SLC28A1: variants seen among roughly 807,000 people sequenced by gnomAD.
SLC28A1 encodes sodium/nucleoside cotransporter 1.
Under a neutral mutation model 74.8 loss-of-function variants are expected in SLC28A1, and 64 were observed. The observed-to-expected ratio is 0.86, with a 90% CI of 0.70 to 1.05. The LOEUF is 1.05. SLC28A1 is among the 50% of genes least tolerant of loss of function. SLC28A1 has a pLI of 0.00. For synonymous variants in SLC28A1, 359 were observed against 335.0 expected, an observed-to-expected ratio of 1.07 and a Z score of -0.78; for missense variants, 828 against 822.8, an observed-to-expected ratio of 1.01 and a Z score of -0.08.
chr15:84,946,084 T>TTATATATATATATATATA (rs1567196223), downstream of SLC28A1, among the ~76,000 whole-genome samples: 8 of 27,548 alleles, frequency 2.9e-4, no homozygotes, highest in South Asian at 1.6e-3. Context: ...GTGTGTATGT[T>TTATATATATATATATATA]CATATATATA....
At position 84,885,257 on chromosome 15, in the gene SLC28A1, C is replaced by G. The variant is rs555833815; in HGVS notation, c.-133+506C>G. On this transcript the variant is annotated intron_variant, in intron 1 of 18. Transcript: ENST00000394573. ...TGCAGGCATGAGCCACCGTGCCCCC[C>G]CTCTTTTTTTTTTTTAAAGGTAGAG... 3.3e-5 allele frequency among the ~76,000 whole-genome samples: 5 copies of G among 151,254 alleles called. No homozygotes were observed. The South Asian group carries it at 6.3e-4, about 19-fold the overall frequency.
chr15:84,904,810 T>C (rs3784402), intron 7 of SLC28A1, among the ~76,000 whole-genome samples: 1 of 20,566 alleles, frequency 4.9e-5, no homozygotes. Context: ...TTCTGATGTG[T>C]ACTAAATTCT....
intron 2 of SLC28A1, chr15:84,887,273 C>A: frequency 1.3e-6 from 1 of 741,286 alleles, no homozygotes; most frequent in Non-Finnish European, 1.6e-6. Flanking sequence ...ATGCCTGTAT[C>A]AGATACATAT....
chr15:84,943,787 G>C (rs1013300047), intron 16 of SLC28A1, among the ~76,000 whole-genome samples: 4 of 152,108 alleles, frequency 2.6e-5, no homozygotes, highest in African/African-American at 9.7e-5. Context: ...AAATTAGCCA[G>C]GCGTGGTGGT....
Position 84,899,940 on chromosome 15 carries a change from A to AAGGAAGGAAGGAAGGAAGG in SLC28A1, c.462-4156_462-4155insGGAAGGAAGGAAGGAAGGA, listed in dbSNP as rs1966437006. Among the ~76,000 whole-genome samples the AAGGAAGGAAGGAAGGAAGG allele has an allele frequency of 8.2e-4, 112 of 136,906 alleles. 4 individuals are homozygous for AAGGAAGGAAGGAAGGAAGG. The highest frequency in any genetic ancestry group is 5.2e-3 in the East Asian group (23 of 4,418). The allele number at this position is 136,906 out of a possible 152,430, so 89.8% of individuals were successfully genotyped here. A position where few individuals can be genotyped will look rare whatever the true frequency, so the allele number is the denominator to read the frequency against. ...GAGGGAAAGAGGGAAAGAAAGAAAGAAAGGAAGGAAGGAAGGAAGGAAGGA... is the reference window on the plus strand; with the variant it reads ...GAGGGAAAGAGGGAAAGAAAGAAAGAAGGAAGGAAGGAAGGAAGGAAGGAAGGAAGGAAGGAAGGAAGGA... On this transcript the variant is annotated intron_variant, in intron 6 of 18. Coordinates refer to ENST00000394573, the MANE Select transcript of SLC28A1 (RefSeq NM_004213.5).
chr15:84,937,732 T>C (rs1972107441), intron 15 of SLC28A1, among the ~76,000 whole-genome samples: 1 of 151,230 alleles, frequency 6.6e-6, no homozygotes, highest in Admixed American at 6.6e-5. Flanking sequence ...CGAAACCCCT[T>C]CTCTACTAAA....
At chr15:84,908,901 C>A in intron 9 of SLC28A1, 106 bp downstream of exon 9, 1 of 925,254 alleles carries the variant, frequency 1.1e-6, no homozygotes, top group Non-Finnish European at 1.8e-6. Flanking sequence ...GGGAGGAGTC[C>A]TGTGGGCAGA....
chr15:84,968,541 C>T, the SLC28A1 span, among the ~76,000 whole-genome samples: 6 of 152,308 alleles, frequency 3.9e-5, no homozygotes, highest in South Asian at 2.1e-4. Context: ...GTGGAAGCCA[C>T]GATGTCTTTT....
chr15:84,890,590 A>T (rs1439149116), intron 5 of SLC28A1, 56 bp downstream of exon 5: 6 of 1,371,352 alleles, frequency 4.4e-6, no homozygotes, highest in African/African-American at 1.4e-5. Flanking sequence ...TCAGCTATCC[A>T]TGTCTCAGGG....
chr15:84,945,411 T>A lies in SLC28A1; in HGVS notation c.*211T>A. ...ACATGTCCCACTCCATCCCCCTTCC[T>A]GCTCCCCCATTTCCTAACTCCCCCA... On this transcript the variant is annotated 3_prime_UTR_variant, in exon 19 of 19. Transcript: ENST00000394573. The A allele has an allele frequency of 1.7e-6, 1 of 593,030 alleles. No homozygotes were observed. The highest frequency in any genetic ancestry group is 3.1e-6 in the Non-Finnish European group (1 of 324,702). The allele number at this position is 593,030 out of a possible 1,614,324, so 36.7% of individuals were successfully genotyped here.
chr15:84,933,155 C>T lies in SLC28A1; in HGVS notation c.1094C>T (p.Thr365Ile), dbSNP rs751367541. 27 of 1,613,602 alleles carry T rather than the reference C, an allele frequency of 1.7e-5. No homozygotes were observed. In the East Asian group the frequency reaches 3.8e-4, roughly 23 times the overall value. Residue 365 changes from threonine to isoleucine, a missense_variant, in exon 13 of 19, where the codon ACC becomes ATC. This residue lies in a region of SLC28A1 where 767 missense variants were observed against 753.5 expected (regional missense o/e 1.02). Transcript: ENST00000394573. ...GAYISFGIDA[T>I]SLIAASVMAA... ...CTCTCACTCTTGCAGATCGATGCCA[C>T]CTCGTTGATTGCAGCCTCTGTGATG... is the stretch of plus-strand genomic sequence containing the variant.
At chr15:84,912,797 T>TGCACGC (rs1555449049) in intron 9 of SLC28A1, among the ~76,000 whole-genome samples, 30 of 118,166 alleles carry the variant, frequency 2.5e-4, no homozygotes, top group African/African-American at 8.3e-4. Context: ...TGCCAAATTT[T>TGCACGC]GCGCGCGCGC....
chr15:84,903,327 T>A (rs565078450), intron 6 of SLC28A1, among the ~76,000 whole-genome samples: 2 of 152,376 alleles, frequency 1.3e-5, no homozygotes, highest in East Asian at 3.8e-4. Context: ...ATGAGTGGCC[T>A]TGGGCCAGTT....
At position 84,944,528 on chromosome 15, in the gene SLC28A1, C is replaced by T. The variant is rs368716964; in HGVS notation, c.1664-38C>T. 27 of 1,454,572 alleles carry T rather than the reference C, an allele frequency of 1.9e-5. No homozygotes were observed. The Middle Eastern group carries it at 1.7e-3, about 92-fold the overall frequency. The allele number at this position is 1,454,572 out of a possible 1,614,324, so 90.1% of individuals were successfully genotyped here. On this transcript the variant is annotated intron_variant, in intron 16 of 18. Transcript: ENST00000394573. Reference sequence around the variant, plus strand: ...TGCGGAACGCGGGCAGAGAGGGACACAGCTTCCCAGGCCCTGAGCACTTCT... The same window carrying T: ...TGCGGAACGCGGGCAGAGAGGGACATAGCTTCCCAGGCCCTGAGCACTTCT...
chr15:84,903,332 C>T (rs893641172), intron 6 of SLC28A1, among the ~76,000 whole-genome samples: 6 of 152,196 alleles, frequency 3.9e-5, no homozygotes, highest in Admixed American at 1.3e-4. Flanking sequence ...TGGCCTTGGG[C>T]CAGTTATTTA....
At chr15:84,961,240 G>A in the SLC28A1 span, among the ~76,000 whole-genome samples, 3 of 152,146 alleles carry the variant, frequency 2.0e-5, no homozygotes, top group African/African-American at 7.2e-5. Context: ...TCAGAAAGGG[G>A]CTTCTCTTTT....
At chr15:84,925,484 T>C (rs1358943754) in intron 12 of SLC28A1, among the ~76,000 whole-genome samples, 2 of 152,052 alleles carry the variant, frequency 1.3e-5, no homozygotes, top group Non-Finnish European at 2.9e-5. Context: ...CTTGTAATCC[T>C]AGCTATTTGG....
At chr15:84,894,100 G>A (rs1178488099) in intron 5 of SLC28A1, among the ~76,000 whole-genome samples, 1 of 152,132 alleles carries the variant, frequency 6.6e-6, no homozygotes, top group Non-Finnish European at 1.5e-5. Context: ...GGCCGGGCGC[G>A]GTGGCTTACG....
At chr15:84,966,823 C>T in the SLC28A1 span, among the ~76,000 whole-genome samples, 1 of 152,230 alleles carries the variant, frequency 6.6e-6, no homozygotes, top group Admixed American at 6.5e-5. Context: ...GTCCCTCCCA[C>T]AACGTGTGGG....
Sources: allele counts gnomAD v4.1 joint callset (sites outside exome capture counted in the v4.1 genomes callset), GRCh38; gene constraint gnomAD v4.1.1; regional missense constraint gnomAD v4.1.1; transcripts MANE v1.5; gene names NCBI Gene and HGNC (gene_info 2026-07-23, HGNC 2026-07-21).